N4BP2L2: variants seen among roughly 807,000 people sequenced by gnomAD.
N4BP2L2 encodes the protein NEDD4-binding protein 2-like 2.
A neutral mutation model predicts 56.2 loss-of-function variants in N4BP2L2; 50 were observed. The observed-to-expected ratio is 0.89, with a 90% confidence interval of 0.71 to 1.13. The LOEUF (loss-of-function observed/expected upper bound fraction) is 1.13, where lower values mean the gene tolerates loss of function less well. Among genes scored for constraint, N4BP2L2 ranks in the 50% most tolerant of loss-of-function variants. The pLI is 0.00. For synonymous variants in N4BP2L2, 203 were observed against 223.6 expected, an observed-to-expected ratio of 0.91 and a Z score of 0.82; for missense variants, 689 against 693.8, an observed-to-expected ratio of 0.99 and a Z score of 0.08.
intron 6 of N4BP2L2, among the ~76,000 whole-genome samples, chr13:32,497,294 G>A (rs549616610): frequency 6.6e-6 from 1 of 152,018 alleles, no homozygotes; most frequent in African/African-American, 2.4e-5. Context: ...AAAGGACCAG[G>A]GTACTCTCAT....
chr13:32,538,156 G>T (rs1204351909), intron 1 of N4BP2L2, among the ~76,000 whole-genome samples: 1 of 151,390 alleles, frequency 6.6e-6, no homozygotes, highest in Non-Finnish European at 1.5e-5. Flanking sequence ...ATTCTTCGTT[G>T]TGCCACTCTC....
chr13:32,490,013 A>G (rs2086706383), intron 6 of N4BP2L2: 1 of 152,134 alleles, frequency 6.6e-6, no homozygotes, highest in Non-Finnish European at 1.5e-5. Context: ...TTCTCAGGTA[A>G]AGCCCATATT....
At chr13:32,457,547 T>C (rs1332508978) in intron 6 of N4BP2L2, among the ~76,000 whole-genome samples, 2 of 152,136 alleles carry the variant, frequency 1.3e-5, no homozygotes, top group Non-Finnish European at 2.9e-5. Flanking sequence ...AGAAACCTTA[T>C]ATAGGTCAGG....
chr13:32,456,640 C>T (rs1181616289), intron 6 of N4BP2L2, among the ~76,000 whole-genome samples: 3 of 151,974 alleles, frequency 2.0e-5, no homozygotes, highest in African/African-American at 7.3e-5. Flanking sequence ...ATCAGAAAAA[C>T]AATTCAAGAT....
chr13:32,492,744 G>C (rs549107273), intron 6 of N4BP2L2, among the ~76,000 whole-genome samples: 2 of 151,912 alleles, frequency 1.3e-5, no homozygotes, highest in Non-Finnish European at 2.9e-5. Context: ...AAACATGAGC[G>C]TAAGAAATAA....
At chr13:32,533,696 TC>T (rs1377359890) in intron 2 of N4BP2L2, among the ~76,000 whole-genome samples, 3 of 151,894 alleles carry the variant, frequency 2.0e-5, no homozygotes. Context: ...TGCCTTGGCC[TC>T]CCAAAGTGCT....
intron 6 of N4BP2L2, among the ~76,000 whole-genome samples, chr13:32,455,288 C>G (rs886265962): frequency 1.2e-4 from 18 of 152,182 alleles, no homozygotes; most frequent in African/African-American, 4.3e-4. Context: ...GCGCAGTGTA[C>G]CACACTGGGG....
intron 2 of N4BP2L2, among the ~76,000 whole-genome samples, chr13:32,535,056 TGCC>T (rs1379149179): frequency 2.0e-5 from 3 of 152,242 alleles, no homozygotes; most frequent in Non-Finnish European, 4.4e-5. Context: ...GGGTTCCTTC[TGCC>T]AATCAATGGT....
intron 8 of N4BP2L2, among the ~76,000 whole-genome samples, chr13:32,436,785 C>CAAAAAAAAA (rs1174354861): frequency 4.4e-5 from 2 of 44,990 alleles, no homozygotes; most frequent in Admixed American, 3.7e-4. Flanking sequence ...GTGTGACTGT[C>CAAAAAAAAA]AAAAAAAAAA....
chr13:32,438,808 G>T, intron 7 of N4BP2L2: 2 of 1,025,040 alleles, frequency 2.0e-6, no homozygotes, highest in Non-Finnish European at 2.9e-6. Flanking sequence ...GTGAAGACAT[G>T]CAAACCTGAT....
At chr13:32,444,630 G>A (rs974219072) in intron 6 of N4BP2L2, among the ~76,000 whole-genome samples, 3 of 152,186 alleles carry the variant, frequency 2.0e-5, no homozygotes, top group African/African-American at 7.2e-5. Context: ...CATTAAAAAT[G>A]AGTACACTTT....
intron 2 of N4BP2L2, among the ~76,000 whole-genome samples, chr13:32,534,097 T>C (rs2055840766): frequency 6.6e-6 from 1 of 152,206 alleles, no homozygotes; most frequent in Non-Finnish European, 1.5e-5. Flanking sequence ...CCTCTGCTCC[T>C]TCTATAAAAT....
At position 32,442,499 on chromosome 13, in the gene N4BP2L2, C is replaced by CA. The variant is rs2076536540; in HGVS notation, c.1992dup (p.Glu665Ter). On this transcript the variant is annotated frameshift_variant, in exon 7 of 10. Coordinates refer to the N4BP2L2 transcript ENST00000357505. LOFTEE classifies it high-confidence loss of function. ...GTGCTTGTTAAGTCTTGGCTGTCCTCAGCTGGTAATTCCTTAGGTTCTTCC... is the reference window on the plus strand; with the variant it reads ...GTGCTTGTTAAGTCTTGGCTGTCCTCAAGCTGGTAATTCCTTAGGTTCTTCC... 1.9e-6 allele frequency: 3 copies of CA among 1,613,634 alleles called. No homozygotes were observed. The South Asian group carries it at 3.3e-5, about 18-fold the overall frequency.
intron 6 of N4BP2L2, among the ~76,000 whole-genome samples, chr13:32,458,498 G>A (rs2079394588): frequency 6.6e-6 from 1 of 152,202 alleles, no homozygotes; most frequent in Non-Finnish European, 1.5e-5. Flanking sequence ...GCAAGTGGGA[G>A]TAGCTATACT....
intron 6 of N4BP2L2, among the ~76,000 whole-genome samples, chr13:32,460,680 T>C (rs527903394): frequency 2.7e-4 from 41 of 152,208 alleles, no homozygotes; most frequent in Admixed American, 4.6e-4. Flanking sequence ...ACAGATTCAA[T>C]GTAATCCCTA....
At chr13:32,444,237 A>C in intron 6 of N4BP2L2, 1 of 750,066 alleles carries the variant, frequency 1.3e-6, no homozygotes, top group Non-Finnish European at 1.9e-6. Context: ...AGTACAAGAG[A>C]CTCTCAAGTG....
chr13:32,440,196 A>G (rs993283834), intron 7 of N4BP2L2, among the ~76,000 whole-genome samples: 1 of 152,146 alleles, frequency 6.6e-6, no homozygotes, highest in Non-Finnish European at 1.5e-5. Flanking sequence ...CACCTGTGGG[A>G]CCAAATTTAT....
intron 4 of N4BP2L2, 132 bp downstream of exon 4, chr13:32,522,030 ACAATTTTTTTAAAAACTAAG>A (rs1378255983): frequency 1.7e-5 from 10 of 594,166 alleles, no homozygotes; most frequent in Non-Finnish European, 5.8e-6. Context: ...AACATCATTC[ACAATTTTTTTAAAAACTAAG>A]CAAACCAACA....
intron 2 of N4BP2L2, among the ~76,000 whole-genome samples, chr13:32,530,467 T>C (rs1594096710): frequency 6.6e-6 from 1 of 152,300 alleles, no homozygotes; most frequent in Middle Eastern, 3.4e-3. Flanking sequence ...GGTACTAAAA[T>C]GGATTCTCAG....
Sources: allele counts gnomAD v4.1 joint callset (sites outside exome capture counted in the v4.1 genomes callset), GRCh38; gene constraint gnomAD v4.1.1; transcripts MANE v1.5; gene names NCBI Gene and HGNC (gene_info 2026-07-23, HGNC 2026-07-21).